TEX14: variants seen among roughly 807,000 people sequenced by gnomAD.
The protein encoded by TEX14 is testis expressed 14, intercellular bridge forming factor.
Under a neutral mutation model 178.6 loss-of-function variants are expected in TEX14, and 168 were observed. The observed-to-expected ratio is 0.94, with a 90% CI of 0.83 to 1.07. The LOEUF is 1.07. Ranked by LOEUF, TEX14 falls within the 50% of genes least tolerant of loss-of-function variation. The pLI, the probability that TEX14 is intolerant of heterozygous loss-of-function variation, is 0.00. For missense variants in TEX14, 1,730 were observed against 1,753.6 expected (o/e 0.99, Z 0.24); for synonymous variants, 626 against 634.1 (o/e 0.99, Z 0.19).
chr17:58,633,367 C>T lies in TEX14; in HGVS notation c.137-2813G>A, dbSNP rs1438809898. Reference sequence around the variant, plus strand: ...ATGGCTTTGGGTACCCACAATATCCCAAGCACCTAATAATGAATAAATCCA... The same window carrying T: ...ATGGCTTTGGGTACCCACAATATCCTAAGCACCTAATAATGAATAAATCCA... On this transcript the variant is annotated intron_variant, in intron 2 of 31. Transcript: ENST00000349033. 2.6e-5 allele frequency among the ~76,000 whole-genome samples: 4 copies of T among 152,168 alleles called. No homozygotes were observed. The East Asian group carries it at 7.7e-4, about 29-fold the overall frequency.
rs924484827 is a variant in TEX14, at chr17:58,593,480, A to T, written c.2576+75T>A. ...TCCTTTTGTCACTAGACATAAGAAG[A>T]TCACTGAGTGGCCTCAGAGACACAC... On this transcript the variant is annotated intron_variant, in intron 15 of 31. Coordinates refer to ENST00000349033, the MANE Select transcript of TEX14 (RefSeq NM_031272.5). The T allele has an allele frequency of 6.1e-5, 68 of 1,110,472 alleles. No individual in the cohort carries two copies. The Admixed American group carries it at 1.1e-3, about 17-fold the overall frequency. The allele number at this position is 1,110,472 out of a possible 1,614,324, so 68.8% of individuals were successfully genotyped here.
intron 17 of TEX14, among the ~76,000 whole-genome samples, chr17:58,586,737 G>GAA (rs948538157): frequency 7.0e-6 from 1 of 143,614 alleles, no homozygotes. Flanking sequence ...ACTCTGATGA[G>GAA]AAAAAAAAAA....
rs147714092 is a variant in TEX14 at position 58,562,877 on chromosome 17, G to C, written c.4065-1265C>G. ...ACTTGAGCTCAGGAGTTCAAGGCCA[G>C]TCTGGGCAACATGGCAAAACCCCAT... On this transcript the variant is annotated intron_variant, in intron 28 of 31. Coordinates refer to ENST00000349033, the MANE Select transcript of TEX14 (RefSeq NM_031272.5). Among the ~76,000 whole-genome samples the C allele has an allele frequency of 3.0e-3, 457 of 150,730 alleles. 2 individuals are homozygous for C. The highest frequency in any genetic ancestry group is 0.017 in the Middle Eastern group (5 of 294).
intron 2 of TEX14, among the ~76,000 whole-genome samples, chr17:58,646,812 C>T (rs1012264822): frequency 6.6e-6 from 1 of 152,112 alleles, no homozygotes; most frequent in Non-Finnish European, 1.5e-5. Flanking sequence ...GATTATGGTC[C>T]CAAAGGGCAC....
intron 1 of TEX14, among the ~76,000 whole-genome samples, chr17:58,665,489 C>G (rs947749583): frequency 6.6e-6 from 1 of 151,898 alleles, no homozygotes; most frequent in South Asian, 2.1e-4. Context: ...TCCAGCTACT[C>G]TGAGGCTGAG....
chr17:58,613,653 G>GTTTTC (rs1199517356), intron 8 of TEX14, 109 bp from the exon 9 acceptor site: 3 of 1,201,286 alleles, frequency 2.5e-6, no homozygotes, highest in Non-Finnish European at 1.2e-6. Flanking sequence ...TGTATACGAT[G>GTTTTC]TTTTCTTTTC....
At chr17:58,629,541 T>C (rs2046230890) in intron 3 of TEX14, among the ~76,000 whole-genome samples, 1 of 151,610 alleles carries the variant, frequency 6.6e-6, no homozygotes, top group Non-Finnish European at 1.5e-5. Flanking sequence ...AGACCAACTA[T>C]TGGCCGGGCA....
intron 24 of TEX14, among the ~76,000 whole-genome samples, chr17:58,570,987 A>C (rs1334329087): frequency 1.3e-5 from 2 of 151,970 alleles, no homozygotes; most frequent in Non-Finnish European, 2.9e-5. Flanking sequence ...GCTGTGTTAC[A>C]TCAGGCCTGT....
intron 1 of TEX14, chr17:58,660,539 A>AG (rs757074938): frequency 2.7e-6 from 2 of 745,546 alleles, no homozygotes; most frequent in Non-Finnish European, 4.9e-6. Flanking sequence ...TTGGCGGGGA[A>AG]GGTGTGCACC....
intron 1 of TEX14, chr17:58,677,520 A>AAAC (rs1332929845): frequency 2.0e-5 from 3 of 152,264 alleles, no homozygotes; most frequent in Admixed American, 2.0e-4. Flanking sequence ...AGGAGAAGCC[A>AAAC]AACACGGCCA....
intron 2 of TEX14, among the ~76,000 whole-genome samples, chr17:58,640,791 C>T (rs889028878): frequency 6.6e-6 from 1 of 152,136 alleles, no homozygotes; most frequent in Non-Finnish European, 1.5e-5. Flanking sequence ...GCAATCTCAG[C>T]TCAGTGCAAC....
intron 23 of TEX14, 58 bp downstream of exon 23, chr17:58,573,123 G>C (rs893477533): frequency 2.5e-6 from 4 of 1,595,584 alleles, no homozygotes; most frequent in Middle Eastern, 1.7e-4. Context: ...GCTTCCCAGA[G>C]ACAATGGGCT....
At chr17:58,576,497 A>G (rs1343844157) in intron 21 of TEX14, among the ~76,000 whole-genome samples, 1 of 152,200 alleles carries the variant, frequency 6.6e-6, no homozygotes, top group African/African-American at 2.4e-5. Context: ...ACACAACAAG[A>G]GTGAAATTCT....
chr17:58,661,056 C>G (rs370931768), intron 1 of TEX14: 1 of 1,097,472 alleles, frequency 9.1e-7, no homozygotes, highest in Non-Finnish European at 1.4e-6. Context: ...TGACCACTTT[C>G]CACAGCAGAT....
intron 1 of TEX14, among the ~76,000 whole-genome samples, chr17:58,681,623 GT>G (rs2047502260): frequency 6.6e-6 from 1 of 152,126 alleles, no homozygotes; most frequent in Non-Finnish European, 1.5e-5. Flanking sequence ...GCCGAGGCAG[GT>G]GGATCATTTG....
At chr17:58,662,008 C>T (rs1317641554) in intron 1 of TEX14, among the ~76,000 whole-genome samples, 1 of 152,018 alleles carries the variant, frequency 6.6e-6, no homozygotes, top group East Asian at 1.9e-4. Flanking sequence ...CAAGTATCTG[C>T]AGTTCCTGCC....
chr17:58,609,360 C>T (rs554878205), intron 10 of TEX14, among the ~76,000 whole-genome samples: 6 of 152,310 alleles, frequency 3.9e-5, no homozygotes, highest in South Asian at 2.1e-4. Flanking sequence ...CCACCCGTCT[C>T]GGCCTCCCAA....
intron 2 of TEX14, among the ~76,000 whole-genome samples, chr17:58,639,758 G>A (rs1461171060): frequency 1.3e-5 from 2 of 152,086 alleles, no homozygotes; most frequent in South Asian, 2.1e-4. Flanking sequence ...GGCTGGATCC[G>A]GTAATTGATT....
chr17:58,581,507 G>T lies in TEX14; in HGVS notation c.3172-1776C>A. On this transcript the variant is annotated intron_variant, in intron 19 of 31. Coordinates refer to ENST00000349033, the MANE Select transcript of TEX14 (RefSeq NM_031272.5). ...CACCAAAAAAGGTATAAAAAATCCT[G>T]GTAGACATTACATACTTTGATATGT... The T allele has an allele frequency of 4.6e-6, 6 of 1,298,762 alleles. No individual in the cohort carries two copies. The South Asian group carries it at 5.1e-5, about 11-fold the overall frequency. 80.5% of individuals were successfully genotyped at this position (1,298,762 alleles called of 1,614,324 possible).
Sources: gnomAD v4.1 joint callset for allele counts (sites outside exome capture counted in the v4.1 genomes callset) on GRCh38, gnomAD v4.1.1 for gene constraint, MANE v1.5 for transcripts, NCBI Gene and HGNC (gene_info 2026-07-23, HGNC 2026-07-21) for gene names.